Variants in ADORA2A observed in about 807,000 individuals in gnomAD.
The protein encoded by ADORA2A is adenosine receptor A2a.
ADORA2A carries 11 observed loss-of-function variants against 18.4 expected under a neutral mutation model. That is an observed-to-expected ratio of 0.60 (90% CI 0.38 to 0.99). The LOEUF is 0.99. ADORA2A is among the 50% of genes least tolerant of loss of function. ADORA2A has a pLI of 0.01. For missense variants in ADORA2A, 449 were observed against 556.1 expected (o/e 0.81, Z 1.94); for synonymous variants, 218 against 237.3 (o/e 0.92, Z 0.75).
upstream of ADORA2A, among the ~76,000 whole-genome samples, chr22:24,424,994 A>G (rs2042901805): frequency 6.6e-6 from 1 of 151,998 alleles, no homozygotes; most frequent in African/African-American, 2.4e-5. The surrounding 1 kb of genome is among the most constrained non-coding windows in gnomAD (Gnocchi z 4.9). Context: ...TTGGAGGGTG[A>G]GCCGCAGGTC....
chr22:24,440,929 A>G lies in ADORA2A; in HGVS notation c.679A>G (p.Lys227Glu). 1 of 1,614,144 alleles carries G rather than the reference A, an allele frequency of 6.2e-7. No homozygotes were observed. The highest frequency in any genetic ancestry group is 8.5e-7 in the Non-Finnish European group (1 of 1,180,016). The change falls in exon 3 of 3, where the codon AAG becomes GAG. Residue 227 changes from lysine to glutamate, a missense_variant. Coordinates refer to ENST00000337539, the MANE Select transcript of ADORA2A (RefSeq NM_000675.6). ...PGERARSTLQ[K>E]EVHAAKSLAI... ...GGAGCGGGCACGGTCCACACTGCAGAAGGAGGTCCATGCTGCCAAGTCACT... is the reference window on the plus strand; with the variant it reads ...GGAGCGGGCACGGTCCACACTGCAGGAGGAGGTCCATGCTGCCAAGTCACT...
intron 1 of ADORA2A, chr22:24,430,048 G>C (rs2042991304): frequency 6.6e-6 from 1 of 152,330 alleles, no homozygotes; most frequent in Non-Finnish European, 1.5e-5. Context: ...CGGCTGGGTA[G>C]CTCCCAACCT....
upstream of ADORA2A, among the ~76,000 whole-genome samples, chr22:24,426,938 G>A (rs899549775): frequency 7.2e-5 from 11 of 152,202 alleles, no homozygotes; most frequent in African/African-American, 2.7e-4. Flanking sequence ...ACCCCGCAGG[G>A]GAAGCTTGTT....
intron 2 of ADORA2A, among the ~76,000 whole-genome samples, chr22:24,440,060 T>C (rs1568952126): frequency 6.6e-6 from 1 of 152,094 alleles, no homozygotes; most frequent in South Asian, 2.1e-4. Flanking sequence ...AGATCCTCTA[T>C]AGGTCTGATC....
rs1568953400 is a variant in ADORA2A at position 24,441,024 on chromosome 22, C to T, written c.774C>T (p.Phe258=). ...ACATCATCAACTGCTTCACTTTCTT[C>T]TGCCCCGACTGCAGCCACGCCCCTC... ...PLHIINCFTF[F]CPDCSHAPLW... Residue 258 remains phenylalanine (F), a synonymous_variant, in exon 3 of 3, where the codon TTC becomes TTT. Transcript: ENST00000337539. 1 of 1,614,200 alleles carries T rather than the reference C, an allele frequency of 6.2e-7. No individual in the cohort carries two copies. Among genetic ancestry groups the T allele is most frequent in the East Asian group, 2.2e-5 (1 of 44,894 alleles).
rs2043347501 is a variant in ADORA2A, at chr22:24,441,661, A to G, written c.*172A>G. ...GGCTGGAGCAGCATGAGGCCCAGCA[A>G]GAAGGGCTTGGGTTCTGAGGAAGCA... On this transcript the variant is annotated 3_prime_UTR_variant, in exon 3 of 3. Transcript: ENST00000337539. The G allele has an allele frequency of 3.3e-6, 2 of 600,948 alleles. No individual in the cohort carries two copies. The highest frequency in any genetic ancestry group is 8.9e-5 in the South Asian group (2 of 22,376). The allele number at this position is 600,948 out of a possible 1,614,324, so 37.2% of individuals were successfully genotyped here. A position where few individuals can be genotyped will look rare whatever the true frequency, so the allele number is the denominator to read the frequency against.
chr22:24,431,216 C>T (rs1568944719), intron 1 of ADORA2A: 1 of 456,794 alleles, frequency 2.2e-6, no homozygotes, highest in Non-Finnish European at 4.4e-6. Flanking sequence ...ACTCGGCCCT[C>T]TCCAGCTGCT....
chr22:24,435,496 T>C (rs1253293960), intron 2 of ADORA2A, among the ~76,000 whole-genome samples: 2 of 152,242 alleles, frequency 1.3e-5, no homozygotes, highest in African/African-American at 4.8e-5. Flanking sequence ...TTTTCTCTTT[T>C]GTCTCTCCCT....
chr22:24,434,308 C>G (rs551744241), intron 2 of ADORA2A, among the ~76,000 whole-genome samples: 1 of 152,294 alleles, frequency 6.6e-6, no homozygotes, highest in East Asian at 1.9e-4. Context: ...TCACTTGGAC[C>G]TATATGCAAA....
At chr22:24,440,471 C>A (rs1403354071) in intron 2 of ADORA2A, 112 bp from the exon 3 acceptor site, 2 of 1,112,554 alleles carry the variant, frequency 1.8e-6, no homozygotes, top group Non-Finnish European at 2.6e-6. Context: ...ATGACTGGTC[C>A]AAGACCTTAC....
Position 24,440,919 on chromosome 22 carries a change from C to T in ADORA2A, c.669C>T (p.Ser223=). The change falls in exon 3 of 3, where the codon TCC becomes TCT. Residue 223 remains serine, a synonymous_variant. Transcript: ENST00000337539. ...CTCTGCCGGGGGAGCGGGCACGGTC[C>T]ACACTGCAGAAGGAGGTCCATGCTG... ...SQPLPGERAR[S]TLQKEVHAAK... 6.2e-7 allele frequency: 1 copy of T among 1,614,184 alleles called. No individual in the cohort carries two copies. Among genetic ancestry groups the T allele is most frequent in the South Asian group, 1.1e-5 (1 of 91,084 alleles).
intron 1 of ADORA2A, chr22:24,431,291 C>A: frequency 2.2e-6 from 1 of 456,884 alleles, no homozygotes; most frequent in Non-Finnish European, 4.4e-6. Context: ...GCTTCTGTGT[C>A]AATGCTCCAT....
intron 2 of ADORA2A, among the ~76,000 whole-genome samples, chr22:24,436,901 G>A (rs575982239): frequency 6.6e-6 from 1 of 152,302 alleles, no homozygotes; most frequent in Admixed American, 6.5e-5. Flanking sequence ...GCACTGGGTA[G>A]GGAAGGGTGG....
chr22:24,435,655 A>C (rs993337130), intron 2 of ADORA2A, among the ~76,000 whole-genome samples: 2 of 152,130 alleles, frequency 1.3e-5, no homozygotes, highest in African/African-American at 4.8e-5. Flanking sequence ...CTCTGAGCTC[A>C]CAAAGGTGTT....
chr22:24,429,555 C>T (rs997584977), intron 1 of ADORA2A: 4 of 152,288 alleles, frequency 2.6e-5, no homozygotes, highest in African/African-American at 4.8e-5. Context: ...GGGCCTCTGA[C>T]CTTCCTGTCA....
At chr22:24,431,438 GGTCT>G (rs1183102524) in intron 1 of ADORA2A, 1 of 456,766 alleles carries the variant, frequency 2.2e-6, no homozygotes, top group African/African-American at 2.0e-5. Flanking sequence ...GGAAAGTTGG[GGTCT>G]GTGTGTTTGA....
intron 1 of ADORA2A, chr22:24,430,855 G>A (rs1017534517): frequency 2.0e-5 from 7 of 344,536 alleles, no homozygotes; most frequent in Non-Finnish European, 3.4e-5. Context: ...CCTGGGTAGA[G>A]GCGGCTCCTC....
Position 24,441,067 on chromosome 22 carries a change from G to T in ADORA2A, c.817G>T (p.Ala273Ser). ...SHAPLWLMYL[A>S]IVLSHTNSVV... ...CGCCCCTCTCTGGCTCATGTACCTGGCCATCGTCCTCTCCCACACCAATTC... is the reference window on the plus strand; with the variant it reads ...CGCCCCTCTCTGGCTCATGTACCTGTCCATCGTCCTCTCCCACACCAATTC... Residue 273 changes from alanine to serine, a missense_variant, in exon 3 of 3, where the codon GCC (alanine) becomes TCC (serine). Transcript: ENST00000337539. 1 of 1,614,070 alleles carries T rather than the reference G, an allele frequency of 6.2e-7. No homozygotes were observed.
chr22:24,433,052 T>G, intron 1 of ADORA2A, 79 bp from the exon 2 acceptor site: 3 of 352,006 alleles, frequency 8.5e-6, no homozygotes, highest in Non-Finnish European at 1.1e-5. Context: ...GGGGGCCAAG[T>G]GTGGGGTAAG....
Sources: gnomAD v4.1 joint callset for allele counts (sites outside exome capture counted in the v4.1 genomes callset) on GRCh38, gnomAD v4.1.1 for gene constraint, Gnocchi (gnomAD v3.1) non-coding constraint, MANE v1.5 for transcripts, NCBI Gene and HGNC (gene_info 2026-07-23, HGNC 2026-07-21) for gene names.